BMERB1: variants seen among roughly 807,000 people sequenced by gnomAD.
BMERB1 encodes the protein bMERB domain containing 1.
BMERB1 carries 12 observed loss-of-function variants against 23.6 expected under a neutral mutation model. The ratio of observed to expected loss-of-function variants is 0.51; its 90% CI spans 0.33 to 0.82. The LOEUF is 0.82. Among genes scored for constraint, BMERB1 ranks in the 40% least tolerant of loss-of-function variants. The probability of loss-of-function intolerance (pLI) is 0.03; values close to 1 mark genes in which losing one functional copy is unlikely to be tolerated. For synonymous variants in BMERB1, 122 were observed against 96.6 expected, an observed-to-expected ratio of 1.26 and a Z score of -1.54; for missense variants, 247 against 255.4, an observed-to-expected ratio of 0.97 and a Z score of 0.22.
At chr16:15,526,430 C>G (rs560324014) in intron 2 of BMERB1, among the ~76,000 whole-genome samples, 1 of 152,208 alleles carries the variant, frequency 6.6e-6, no homozygotes, top group African/African-American at 2.4e-5. Context: ...CTTTGGGAGG[C>G]TGAGGTGGGT....
chr16:15,521,367 C>G lies in BMERB1; in HGVS notation c.230+5939C>G, dbSNP rs76849499. On this transcript the variant is annotated intron_variant, in intron 2 of 5. Coordinates refer to ENST00000300006, the MANE Select transcript of BMERB1 (RefSeq NM_033201.3). The stretch of plus-strand genomic sequence containing the variant: ...TGTGCTGTAGAAAAAGAACCCGGTT[C>G]CCGTAATAACTCTTAAGGCCCACAA... Among the ~76,000 whole-genome samples, 3 of 152,344 alleles carry G rather than the reference C, an allele frequency of 2.0e-5. No individual in the cohort carries two copies. The South Asian group carries it at 6.2e-4, about 32-fold the overall frequency.
At chr16:15,532,907 G>C in intron 2 of BMERB1, 1 of 430,774 alleles carries the variant, frequency 2.3e-6, no homozygotes, top group South Asian at 1.6e-5. Context: ...CTGATAAATA[G>C]ACCTCGTGCC....
chr16:15,496,789 C>T (rs1052120131), intron 1 of BMERB1, among the ~76,000 whole-genome samples: 6 of 152,128 alleles, frequency 3.9e-5, no homozygotes, highest in East Asian at 3.9e-4. Context: ...CTGCCCGCCT[C>T]GGCCTCCCAA....
At chr16:15,562,832 G>A (rs2030461428) in intron 2 of BMERB1, among the ~76,000 whole-genome samples, 1 of 152,196 alleles carries the variant, frequency 6.6e-6, no homozygotes, top group African/African-American at 2.4e-5. Flanking sequence ...GCAAGTCCAC[G>A]CTCATTCGAG....
chr16:15,557,389 G>C (rs1056179023), intron 2 of BMERB1, among the ~76,000 whole-genome samples: 13 of 152,074 alleles, frequency 8.5e-5, no homozygotes, highest in African/African-American at 3.1e-4. Context: ...TGGCTTATTC[G>C]AACTTCCAGC....
At chr16:15,556,820 G>A (rs988569604) in intron 2 of BMERB1, among the ~76,000 whole-genome samples, 10 of 152,206 alleles carry the variant, frequency 6.6e-5, no homozygotes, top group African/African-American at 1.7e-4. Context: ...TCTTGACCTC[G>A]TGATCCGCCC....
In BMERB1 at chr16:15,587,803, G is replaced by A. The variant is rs895050695; in HGVS notation, c.*974G>A. On this transcript the variant is annotated 3_prime_UTR_variant, in exon 6 of 6. Coordinates refer to ENST00000300006, the MANE Select transcript of BMERB1 (RefSeq NM_033201.3). The stretch of plus-strand genomic sequence containing the variant: ...ACTAGCTGCCAAACAACTTCAACCC[G>A]TGTAATTCATGTACATTTGCAACAG... 7.0e-5 allele frequency: 18 copies of A among 257,358 alleles called. No homozygotes were observed. Among genetic ancestry groups the A allele is most frequent in the Non-Finnish European group, 1.2e-4 (15 of 123,762 alleles). 15.9% of individuals were successfully genotyped at this position (257,358 alleles called of 1,614,324 possible).
intron 4 of BMERB1, 119 bp from the exon 5 acceptor site, chr16:15,583,037 A>T: frequency 1.3e-6 from 1 of 777,648 alleles, no homozygotes; most frequent in Non-Finnish European, 2.3e-6. Flanking sequence ...AACACGTGAC[A>T]ACATACATGC....
intron 1 of BMERB1, among the ~76,000 whole-genome samples, chr16:15,435,952 G>A (rs553747718): frequency 1.6e-4 from 24 of 151,542 alleles, no homozygotes; most frequent in African/African-American, 5.6e-4. Flanking sequence ...TTTTAACCTT[G>A]GTCTTTCTTT....
chr16:15,516,002 G>C (rs998806704), intron 2 of BMERB1, among the ~76,000 whole-genome samples: 1 of 152,180 alleles, frequency 6.6e-6, no homozygotes, highest in African/African-American at 2.4e-5. Context: ...GTGCACACCT[G>C]TGGTCCCAGC....
At chr16:15,573,885 T>C (rs1324348104) in intron 3 of BMERB1, among the ~76,000 whole-genome samples, 1 of 146,992 alleles carries the variant, frequency 6.8e-6, no homozygotes, top group South Asian at 2.2e-4. Context: ...AGGCACTCTC[T>C]TCACAAGGTG....
intron 1 of BMERB1, among the ~76,000 whole-genome samples, chr16:15,485,735 C>A (rs2051363607): frequency 6.7e-6 from 1 of 149,804 alleles, no homozygotes; most frequent in Admixed American, 6.7e-5. Context: ...AGCAAACAAA[C>A]AACAACAAGA....
intron 1 of BMERB1, among the ~76,000 whole-genome samples, chr16:15,466,590 A>G (rs1023089825): frequency 3.9e-5 from 6 of 152,118 alleles, no homozygotes; most frequent in African/African-American, 1.2e-4. Flanking sequence ...ACAGAGATCT[A>G]TGTATGCCTT....
intron 1 of BMERB1, among the ~76,000 whole-genome samples, chr16:15,456,170 C>G (rs191434483): frequency 6.6e-6 from 1 of 152,152 alleles, no homozygotes; most frequent in Non-Finnish European, 1.5e-5. Flanking sequence ...AATTGTCATT[C>G]CGTCACAAGT....
chr16:15,446,391 T>C (rs1424085757), intron 1 of BMERB1, among the ~76,000 whole-genome samples: 1 of 152,162 alleles, frequency 6.6e-6, no homozygotes, highest in Non-Finnish European at 1.5e-5. Flanking sequence ...TGAGACCTTG[T>C]CTCTAAAAAA....
At chr16:15,445,163 G>A (rs1389722069) in intron 1 of BMERB1, among the ~76,000 whole-genome samples, 6 of 152,164 alleles carry the variant, frequency 3.9e-5, no homozygotes, top group Admixed American at 3.9e-4. Context: ...GAAGTGCTGA[G>A]ATTATAGGCA....
At chr16:15,499,831 G>A (rs904286224) in intron 1 of BMERB1, among the ~76,000 whole-genome samples, 4 of 152,126 alleles carry the variant, frequency 2.6e-5, no homozygotes, top group African/African-American at 4.8e-5. Context: ...TTAATAACCC[G>A]TGTCTTTCTT....
intron 1 of BMERB1, among the ~76,000 whole-genome samples, chr16:15,462,088 C>G (rs1026672179): frequency 3.4e-5 from 5 of 145,628 alleles, no homozygotes; most frequent in Non-Finnish European, 6.0e-5. Flanking sequence ...ACTTATCCTA[C>G]ACAAAAATTG....
At chr16:15,480,350 G>A (rs2051309265) in intron 1 of BMERB1, among the ~76,000 whole-genome samples, 2 of 151,856 alleles carry the variant, frequency 1.3e-5, no homozygotes, top group Admixed American at 6.6e-5. Context: ...TCCTGACCTC[G>A]TGATCCGCCC....
Sources: gnomAD v4.1 joint callset for allele counts (sites outside exome capture counted in the v4.1 genomes callset) on GRCh38, gnomAD v4.1.1 for gene constraint, MANE v1.5 for transcripts, NCBI Gene and HGNC (gene_info 2026-07-23, HGNC 2026-07-21) for gene names.